Variants in ZNF423 observed in about 807,000 individuals in gnomAD.
ZNF423 encodes the protein Ebf-associated zinc finger protein.
A neutral mutation model predicts 95.8 loss-of-function variants in ZNF423; 12 were observed. The observed-to-expected ratio is 0.13, with a 90% confidence interval of 0.08 to 0.20. The LOEUF is 0.20. ZNF423 is among the 10% of genes least tolerant of loss of function. ZNF423 has a pLI of 1.00. For missense variants in ZNF423, 1,316 were observed against 1,737.1 expected, an observed-to-expected ratio of 0.76 and a Z score of 4.31; for synonymous variants, 749 against 711.9, an observed-to-expected ratio of 1.05 and a Z score of -0.83.
At chr16:49,599,598 G>C (rs1362762707) in intron 5 of ZNF423, among the ~76,000 whole-genome samples, 1 of 152,118 alleles carries the variant, frequency 6.6e-6, no homozygotes, top group Non-Finnish European at 1.5e-5. Flanking sequence ...CCCAAATCCA[G>C]GTACAACCCA....
chr16:49,604,009 C>G (rs1971457601), intron 5 of ZNF423, among the ~76,000 whole-genome samples: 1 of 152,212 alleles, frequency 6.6e-6, no homozygotes, highest in South Asian at 2.1e-4. Flanking sequence ...AGCAGGAACC[C>G]ATTTGAGACG....
At chr16:49,690,721 G>A (rs552247614) in intron 3 of ZNF423, among the ~76,000 whole-genome samples, 81 of 152,302 alleles carry the variant, frequency 5.3e-4, no homozygotes, top group Non-Finnish European at 9.0e-4. Context: ...ATCCATGCCC[G>A]ACAGGCGGTG....
intron 2 of ZNF423, among the ~76,000 whole-genome samples, chr16:49,778,734 G>A (rs557728013): frequency 1.3e-5 from 2 of 152,356 alleles, no homozygotes; most frequent in African/African-American, 4.8e-5. Flanking sequence ...ACGATGTGAC[G>A]AGAAGGAGGG....
At chr16:49,567,630 A>G (rs1015716897) in intron 5 of ZNF423, among the ~76,000 whole-genome samples, 1 of 152,202 alleles carries the variant, frequency 6.6e-6, no homozygotes, top group Non-Finnish European at 1.5e-5. Flanking sequence ...AAGGGAAGGC[A>G]TTGAAAAGAG....
At chr16:49,614,644 T>C (rs1971819273) in intron 5 of ZNF423, among the ~76,000 whole-genome samples, 1 of 152,226 alleles carries the variant, frequency 6.6e-6, no homozygotes, top group Admixed American at 6.5e-5. Flanking sequence ...ACTGTATCAA[T>C]GTCAATATCC....
At chr16:49,826,688 ATGTTTT>A in intron 1 of ZNF423, 1 of 152,344 alleles carries the variant, frequency 6.6e-6, no homozygotes, top group South Asian at 2.1e-4. Context: ...ATTACAGGGA[ATGTTTT>A]CTACACAGAA....
chr16:49,535,899 A>G (rs2151728968), intron 5 of ZNF423, among the ~76,000 whole-genome samples: 1 of 152,318 alleles, frequency 6.6e-6, no homozygotes, highest in South Asian at 2.1e-4. Flanking sequence ...TAATCCTCAG[A>G]TTAATGGCCT....
chr16:49,833,875 C>T (rs1462261806), intron 1 of ZNF423, among the ~76,000 whole-genome samples: 5 of 152,166 alleles, frequency 3.3e-5, no homozygotes, highest in East Asian at 1.9e-4. Flanking sequence ...AACTCCAGGC[C>T]GCTCCTGGAT....
intron 1 of ZNF423, among the ~76,000 whole-genome samples, chr16:49,790,877 G>C (rs997811862): frequency 2.6e-5 from 4 of 152,210 alleles, no homozygotes; most frequent in African/African-American, 9.7e-5. Context: ...GCACTGTGCC[G>C]GCACAGGGTA....
chr16:49,842,085 A>C (rs1018256057), intron 1 of ZNF423, among the ~76,000 whole-genome samples: 2 of 151,152 alleles, frequency 1.3e-5, no homozygotes, highest in Non-Finnish European at 2.9e-5. Context: ...AAAAATACAT[A>C]AATTAGCCAG....
intron 1 of ZNF423, among the ~76,000 whole-genome samples, chr16:49,832,456 AG>A (rs2035070934): frequency 6.6e-6 from 1 of 152,010 alleles, no homozygotes; most frequent in Non-Finnish European, 1.5e-5. Context: ...CTCCACCCCC[AG>A]CCAATATGGA....
rs542039112 is a variant in ZNF423 at position 49,743,665 on chromosome 16, C to T, written c.101-12694G>A. Among the ~76,000 whole-genome samples the T allele has an allele frequency of 5.8e-4, 88 of 152,116 alleles. 2 individuals carry two copies. The highest frequency in any genetic ancestry group is 1.5e-4 in the Non-Finnish European group (10 of 67,964). ...CGGGACACAGGGGGCTCAAGGGACT[C>T]CCCAGACCCGGCTCTAGGGCCTCTA... is the stretch of plus-strand genomic sequence containing the variant. On this transcript the variant is annotated intron_variant, in intron 2 of 7. Coordinates refer to ENST00000563137, the MANE Select transcript of ZNF423 (RefSeq NM_001379286.1).
chr16:49,760,324 T>C (rs998711590), intron 2 of ZNF423, among the ~76,000 whole-genome samples: 1 of 4,444 alleles, frequency 2.3e-4, no homozygotes, highest in African/African-American at 8.3e-4. Flanking sequence ...GGTGGGTGGG[T>C]GGGGTGGGTA....
intron 5 of ZNF423, among the ~76,000 whole-genome samples, chr16:49,548,271 A>G (rs1969508335): frequency 6.6e-6 from 1 of 152,230 alleles, no homozygotes; most frequent in Non-Finnish European, 1.5e-5. Context: ...TATCAACATT[A>G]TTATATACCA....
chr16:49,657,986 C>T (rs1025555741), intron 3 of ZNF423, among the ~76,000 whole-genome samples: 3 of 152,332 alleles, frequency 2.0e-5, no homozygotes, highest in East Asian at 3.9e-4. Flanking sequence ...TCAACCTTGT[C>T]CTTTCAACGA....
At chr16:49,688,620 A>G (rs867653007) in intron 3 of ZNF423, among the ~76,000 whole-genome samples, 1 of 152,278 alleles carries the variant, frequency 6.6e-6, no homozygotes, top group South Asian at 2.1e-4. Context: ...AAACAGCGGT[A>G]CATTTCAAAT....
chr16:49,580,863 A>G (rs983937914), intron 5 of ZNF423, among the ~76,000 whole-genome samples: 4 of 152,178 alleles, frequency 2.6e-5, no homozygotes, highest in Non-Finnish European at 2.9e-5. Flanking sequence ...GGATCGTGAG[A>G]GCATAGAAAC....
intron 7 of ZNF423, among the ~76,000 whole-genome samples, chr16:49,503,894 G>A (rs1245232177): frequency 6.6e-6 from 1 of 152,202 alleles, no homozygotes; most frequent in Admixed American, 6.5e-5. Context: ...AAATACAGTT[G>A]CCCCGCTCCA....
intron 5 of ZNF423, among the ~76,000 whole-genome samples, chr16:49,613,531 A>G (rs1348254744): frequency 6.6e-6 from 1 of 152,202 alleles, no homozygotes; most frequent in African/African-American, 2.4e-5. Context: ...TCTCCACAAA[A>G]ATTTAAAAAT....
Sources: gnomAD v4.1 joint callset for allele counts (sites outside exome capture counted in the v4.1 genomes callset) on GRCh38, gnomAD v4.1.1 for gene constraint, MANE v1.5 for transcripts, NCBI Gene and HGNC (gene_info 2026-07-23, HGNC 2026-07-21) for gene names.